The following KIF26B variants were observed in gnomAD, a reference collection of about 807,000 sequenced individuals.
KIF26B encodes kinesin-like protein KIF26B.
Under a neutral mutation model 151.2 loss-of-function variants are expected in KIF26B, and 63 were observed. That is an observed-to-expected ratio of 0.42 (90% CI 0.34 to 0.51). The LOEUF (loss-of-function observed/expected upper bound fraction) is 0.51, where lower values mean the gene tolerates loss of function less well. KIF26B is among the 20% of genes least tolerant of loss of function. The pLI is 0.07. For synonymous variants in KIF26B, 1,357 were observed against 1,262.1 expected (o/e 1.08, Z -1.59); for missense variants, 2,813 against 2,913.6 (o/e 0.97, Z 0.79).
At chr1:245,210,281 G>C (rs568029732) in intron 2 of KIF26B, among the ~76,000 whole-genome samples, 2 of 152,310 alleles carry the variant, frequency 1.3e-5, no homozygotes, top group Non-Finnish European at 1.5e-5. Context: ...CAGCCTCTCT[G>C]CCTAGGTGGC....
chr1:245,245,659 G>T (rs1053301666), intron 2 of KIF26B, among the ~76,000 whole-genome samples: 2 of 152,114 alleles, frequency 1.3e-5, no homozygotes, highest in African/African-American at 4.8e-5. Context: ...ATTGCTGGGT[G>T]CGGTGGCTCA....
intron 4 of KIF26B, among the ~76,000 whole-genome samples, chr1:245,474,460 G>T (rs1474102101): frequency 6.8e-6 from 1 of 146,320 alleles, no homozygotes; most frequent in Non-Finnish European, 1.5e-5. Context: ...CGCCTGGGCT[G>T]GAGTGCAATG....
intron 2 of KIF26B, among the ~76,000 whole-genome samples, chr1:245,173,543 C>T (rs1668749728): frequency 1.3e-5 from 2 of 152,246 alleles, no homozygotes; most frequent in Admixed American, 6.5e-5. Flanking sequence ...GTTTGATCCA[C>T]CCTATGAGAC....
chr1:245,661,523 C>G (rs924881552), intron 10 of KIF26B, among the ~76,000 whole-genome samples: 1 of 151,322 alleles, frequency 6.6e-6, no homozygotes, highest in Admixed American at 6.6e-5. Context: ...ATATTATATA[C>G]AATATACACA....
At chr1:245,548,953 C>T (rs1297443440) in intron 5 of KIF26B, among the ~76,000 whole-genome samples, 2 of 152,144 alleles carry the variant, frequency 1.3e-5, no homozygotes, top group Non-Finnish European at 1.5e-5. Flanking sequence ...CCATGTTGGC[C>T]AGGCTGGTCA....
intron 2 of KIF26B, among the ~76,000 whole-genome samples, chr1:245,246,372 A>G (rs1179297416): frequency 6.6e-6 from 1 of 152,244 alleles, no homozygotes; most frequent in Non-Finnish European, 1.5e-5. Context: ...CTTCAGCAGC[A>G]TCAACAGCAA....
chr1:245,374,285 G>T (rs1239641229), intron 3 of KIF26B, among the ~76,000 whole-genome samples: 1 of 149,968 alleles, frequency 6.7e-6, no homozygotes, highest in African/African-American at 2.5e-5. Flanking sequence ...AAGCGCCCCT[G>T]CAGGAGGAAG....
intron 2 of KIF26B, among the ~76,000 whole-genome samples, chr1:245,276,762 T>G (rs1268435036): frequency 1.3e-5 from 2 of 152,198 alleles, no homozygotes; most frequent in Non-Finnish European, 2.9e-5. Flanking sequence ...CTTAACTGGT[T>G]TCCGTATTTC....
chr1:245,203,035 A>G (rs1397403686), intron 2 of KIF26B, among the ~76,000 whole-genome samples: 2 of 151,734 alleles, frequency 1.3e-5, no homozygotes, highest in African/African-American at 2.4e-5. Flanking sequence ...AGGGTGGATC[A>G]TGAGGTCAGG....
chr1:245,462,516 C>T (rs376887934), intron 4 of KIF26B, among the ~76,000 whole-genome samples: 2 of 152,184 alleles, frequency 1.3e-5, no homozygotes, highest in East Asian at 3.9e-4. Flanking sequence ...CTTTGTGGAG[C>T]AGGAGACAGT....
rs552163414 is a variant in KIF26B, at chr1:245,263,054, C to T, written c.466-103780C>T. 3.9e-5 allele frequency among the ~76,000 whole-genome samples: 6 copies of T among 152,294 alleles called. No individual in the cohort carries two copies. In the South Asian group the frequency reaches 8.3e-4, roughly 21 times the overall value. On this transcript the variant is annotated intron_variant, in intron 2 of 14. Transcript: ENST00000407071. ...ATCCTTGTAATTCAGTGATTCATGGCGGGGTGCAGTCAAGGAGTGTCATGA... is the reference window on the plus strand; with the variant it reads ...ATCCTTGTAATTCAGTGATTCATGGTGGGGTGCAGTCAAGGAGTGTCATGA...
At chr1:245,427,298 T>C (rs1049918890) in intron 4 of KIF26B, among the ~76,000 whole-genome samples, 2 of 152,142 alleles carry the variant, frequency 1.3e-5, no homozygotes, top group Non-Finnish European at 2.9e-5. Flanking sequence ...TCCATTATGA[T>C]AGAATGATGC....
chr1:245,657,877 A>G (rs10924289), intron 10 of KIF26B, among the ~76,000 whole-genome samples: 88,856 of 151,986 alleles, frequency 0.58, 26,260 homozygotes, highest in Middle Eastern at 0.63. Context: ...AAACACACCT[A>G]CTCAGTCTAT....
intron 5 of KIF26B, among the ~76,000 whole-genome samples, chr1:245,549,033 C>T (rs956235792): frequency 1.3e-5 from 2 of 152,160 alleles, no homozygotes; most frequent in Non-Finnish European, 2.9e-5. Flanking sequence ...TGAGTCACAG[C>T]GCCCTGCCCC....
At chr1:245,672,292 G>A (rs2044297225) in intron 10 of KIF26B, among the ~76,000 whole-genome samples, 1 of 152,198 alleles carries the variant, frequency 6.6e-6, no homozygotes, top group Non-Finnish European at 1.5e-5. Flanking sequence ...GGAAGGAGGT[G>A]GCTCGTCCTG....
chr1:245,643,287 T>G (rs2043912723), intron 9 of KIF26B, among the ~76,000 whole-genome samples: 1 of 152,186 alleles, frequency 6.6e-6, no homozygotes, highest in South Asian at 2.1e-4. Flanking sequence ...CTTTGTTCTC[T>G]CTCTCTCTTT....
chr1:245,156,249 G>A (rs1668429383), intron 1 of KIF26B, 33 bp from the exon 2 acceptor site: 1 of 1,539,066 alleles, frequency 6.5e-7, no homozygotes. Flanking sequence ...CCGCCGCCTT[G>A]CAGCCCCTGA....
At chr1:245,502,491 C>T (rs1003146266) in intron 4 of KIF26B, among the ~76,000 whole-genome samples, 9 of 144,392 alleles carry the variant, frequency 6.2e-5, no homozygotes, top group Admixed American at 5.0e-4. Context: ...CCTGCCACTG[C>T]ACTCCAACCT....
intron 4 of KIF26B, among the ~76,000 whole-genome samples, chr1:245,443,700 A>G (rs1386181096): frequency 1.0e-5 from 1 of 97,270 alleles, no homozygotes; most frequent in East Asian, 5.2e-4. Flanking sequence ...CCCTGCGGTC[A>G]TCTCCCTCAC....
Sources: allele counts gnomAD v4.1 joint callset (sites outside exome capture counted in the v4.1 genomes callset), GRCh38; gene constraint gnomAD v4.1.1; transcripts MANE v1.5; gene names NCBI Gene and HGNC (gene_info 2026-07-23, HGNC 2026-07-21).